Variants in SMAD9 observed in about 807,000 individuals in gnomAD.
The protein encoded by SMAD9 is MAD homolog 9.
Under a neutral mutation model 46.1 loss-of-function variants are expected in SMAD9, and 36 were observed. The observed-to-expected ratio is 0.78, with a 90% CI of 0.60 to 1.03. The LOEUF (loss-of-function observed/expected upper bound fraction) is 1.03. Ranked by LOEUF, SMAD9 falls within the 50% of genes least tolerant of loss-of-function variation. The pLI is 0.00. For missense variants in SMAD9, 572 were observed against 599.8 expected (o/e 0.95, Z 0.48); for synonymous variants, 245 against 237.1 (o/e 1.03, Z -0.31).
At chr13:36,884,435 T>C (rs1175098107) in intron 1 of SMAD9, among the ~76,000 whole-genome samples, 2 of 152,122 alleles carry the variant, frequency 1.3e-5, no homozygotes, top group African/African-American at 4.8e-5. Context: ...TTCACACACT[T>C]GCAGCATAAA....
chr13:36,920,326 C>G (rs979411954), upstream of SMAD9: 1 of 149,924 alleles, frequency 6.7e-6, no homozygotes, highest in East Asian at 2.0e-4. Context: ...CCGCCCGCCG[C>G]CGCGCGCTCT....
At chr13:36,864,645 A>G (rs1352819303) in intron 5 of SMAD9, among the ~76,000 whole-genome samples, 1 of 152,238 alleles carries the variant, frequency 6.6e-6, no homozygotes, top group African/African-American at 2.4e-5. Context: ...GTCAACATCA[A>G]TGAATGATTT....
Position 36,879,695 on chromosome 13 carries a change from G to A in SMAD9, c.-6C>T. 1.2e-6 allele frequency: 2 copies of A among 1,613,862 alleles called. No individual in the cohort carries two copies. Among genetic ancestry groups the A allele is most frequent in the South Asian group, 2.2e-5 (2 of 91,076 alleles). The stretch of plus-strand genomic sequence containing the variant: ...ATGGGGGTGGTGGAGTGCATAAGAG[G>A]CCACAGCAGGCTCCGGCGCGCACGG... On this transcript the variant is annotated 5_prime_UTR_variant, in exon 2 of 7. Transcript: ENST00000379826.
At chr13:36,884,278 T>C (rs1215025000) in intron 1 of SMAD9, among the ~76,000 whole-genome samples, 1 of 152,182 alleles carries the variant, frequency 6.6e-6, no homozygotes, top group African/African-American at 2.4e-5. Context: ...ATACTGGGCG[T>C]TCCTGTGTTT....
intron 1 of SMAD9, among the ~76,000 whole-genome samples, chr13:36,887,352 A>G (rs1165876813): frequency 6.7e-6 from 1 of 149,612 alleles, no homozygotes; most frequent in Non-Finnish European, 1.5e-5. Flanking sequence ...TGTCCTGAGT[A>G]GCTGGGATTA....
At chr13:36,915,789 T>A (rs1187976482) in intron 1 of SMAD9, among the ~76,000 whole-genome samples, 1 of 152,218 alleles carries the variant, frequency 6.6e-6, no homozygotes, top group Admixed American at 6.5e-5. Flanking sequence ...ACCTTAATAT[T>A]TATGCCTTTT....
intron 1 of SMAD9, among the ~76,000 whole-genome samples, chr13:36,896,012 G>C (rs1441627180): frequency 6.6e-6 from 1 of 152,124 alleles, no homozygotes; most frequent in Non-Finnish European, 1.5e-5. Flanking sequence ...GATTTGAAAA[G>C]ACTTAGTTTT....
chr13:36,895,232 G>A (rs936642574), intron 1 of SMAD9, among the ~76,000 whole-genome samples: 2 of 152,028 alleles, frequency 1.3e-5, no homozygotes, highest in Non-Finnish European at 2.9e-5. Context: ...TGTAAACAAC[G>A]CTGTGATGTG....
At position 36,912,432 on chromosome 13, in the gene SMAD9, T is replaced by G. The variant is rs147143525; in HGVS notation, c.-187+7684A>C. Among the ~76,000 whole-genome samples, 21 of 152,258 alleles carry G rather than the reference T, an allele frequency of 1.4e-4. No homozygotes were observed. The East Asian group carries it at 4.1e-3, about 29-fold the overall frequency. On this transcript the variant is annotated intron_variant, in intron 1 of 6. Coordinates refer to ENST00000379826, the MANE Select transcript of SMAD9 (RefSeq NM_001127217.3). ...ACATGGTCCCTTTCCTCTATACTAC[T>G]ATTGAGACAGCAATCTAAACATATT...
At position 36,879,840 on chromosome 13, in the gene SMAD9, G is replaced by T; in HGVS notation, c.-151C>A. ...ACCAATTCAAGTTGCGAAGTGTGTT[G>T]ACTTTCTCCTAAGCCCTTGAACAGG... On this transcript the variant is annotated 5_prime_UTR_variant, in exon 2 of 7. Coordinates refer to ENST00000379826, the MANE Select transcript of SMAD9 (RefSeq NM_001127217.3). The T allele has an allele frequency of 1.3e-6, 1 of 781,162 alleles. No homozygotes were observed. 48.4% of individuals were successfully genotyped at this position (781,162 alleles called of 1,614,324 possible).
intron 1 of SMAD9, among the ~76,000 whole-genome samples, chr13:36,890,802 C>G (rs557149441): frequency 1.3e-5 from 2 of 151,936 alleles, no homozygotes; most frequent in African/African-American, 2.4e-5. Flanking sequence ...TCTCACCCCC[C>G]ACTCTCCCCT....
intron 1 of SMAD9, among the ~76,000 whole-genome samples, chr13:36,902,542 C>T (rs1340264004): frequency 6.6e-6 from 1 of 152,036 alleles, no homozygotes; most frequent in African/African-American, 2.4e-5. Context: ...CAACCTCTGC[C>T]TCCCGGGTTC....
chr13:36,895,576 T>A (rs1275205091), intron 1 of SMAD9, among the ~76,000 whole-genome samples: 2 of 152,210 alleles, frequency 1.3e-5, no homozygotes, highest in African/African-American at 4.8e-5. Context: ...ATAGCATAAA[T>A]CCTGATTCTG....
In SMAD9 at chr13:36,902,630, G is replaced by A. The variant is rs1477151998; in HGVS notation, c.-187+17486C>T. 2.6e-5 allele frequency among the ~76,000 whole-genome samples: 4 copies of A among 151,568 alleles called. No homozygotes were observed. The South Asian group carries it at 8.4e-4, about 32-fold the overall frequency. ...CACCACGCCCATCTAATTTTTTTTTGTATTTTTAGTAGAGACTGGGTTTCA... is the reference window on the plus strand; with the variant it reads ...CACCACGCCCATCTAATTTTTTTTTATATTTTTAGTAGAGACTGGGTTTCA... On this transcript the variant is annotated intron_variant, in intron 1 of 6. Coordinates refer to ENST00000379826, the MANE Select transcript of SMAD9 (RefSeq NM_001127217.3).
At chr13:36,874,493 AACAAAT>A (rs1243263208) in intron 2 of SMAD9, among the ~76,000 whole-genome samples, 1 of 152,176 alleles carries the variant, frequency 6.6e-6, no homozygotes, top group Non-Finnish European at 1.5e-5. Context: ...AATAACCAAA[AACAAAT>A]ACAAACTATG....
chr13:36,872,584 G>A (rs2058305178), intron 3 of SMAD9, 74 bp downstream of exon 3: 1 of 1,513,050 alleles, frequency 6.6e-7, no homozygotes, highest in Middle Eastern at 1.7e-4. Flanking sequence ...GACTGTCATT[G>A]TGACTGTTCA....
At chr13:36,891,077 C>T (rs531175334) in intron 1 of SMAD9, among the ~76,000 whole-genome samples, 31 of 152,274 alleles carry the variant, frequency 2.0e-4, no homozygotes, top group Non-Finnish European at 4.4e-4. Context: ...AATGACCTTT[C>T]ACTTTTCCTC....
intron 1 of SMAD9, among the ~76,000 whole-genome samples, chr13:36,901,268 C>A (rs984113860): frequency 6.6e-6 from 1 of 152,158 alleles, no homozygotes; most frequent in Non-Finnish European, 1.5e-5. Flanking sequence ...TCCACATCAT[C>A]TGAACCACTT....
intron 5 of SMAD9, among the ~76,000 whole-genome samples, chr13:36,860,423 T>A (rs993102106): frequency 3.3e-5 from 5 of 151,552 alleles, no homozygotes; most frequent in African/African-American, 7.3e-5. Flanking sequence ...TCACTTATTT[T>A]CTCCCACAAA....
Sources: gnomAD v4.1 joint callset for allele counts (sites outside exome capture counted in the v4.1 genomes callset) on GRCh38, gnomAD v4.1.1 for gene constraint, MANE v1.5 for transcripts, NCBI Gene and HGNC (gene_info 2026-07-23, HGNC 2026-07-21) for gene names.